The following VAT1L variants were observed in gnomAD, a reference collection of about 807,000 sequenced individuals.
VAT1L encodes the protein vesicle amine transport 1 like.
VAT1L carries 34 observed loss-of-function variants against 44.1 expected under a neutral mutation model. That is an observed-to-expected ratio of 0.77 (90% CI 0.59 to 1.03). The LOEUF (loss-of-function observed/expected upper bound fraction) is 1.03, where lower values mean the gene tolerates loss of function less well. VAT1L is among the 50% of genes least tolerant of loss of function. The pLI is 0.00. For synonymous variants in VAT1L, 253 were observed against 202.2 expected, an observed-to-expected ratio of 1.25 and a Z score of -2.13; for missense variants, 615 against 538.8, an observed-to-expected ratio of 1.14 and a Z score of -1.40.
chr16:77,972,370 G>A (rs557839550), intron 8 of VAT1L, among the ~76,000 whole-genome samples: 26 of 152,008 alleles, frequency 1.7e-4, no homozygotes, highest in Non-Finnish European at 2.5e-4. Flanking sequence ...CCAGGCTGGA[G>A]TGCAGTAGCA....
chr16:77,975,556 G>A (rs759659522), intron 8 of VAT1L, among the ~76,000 whole-genome samples: 2 of 152,142 alleles, frequency 1.3e-5, no homozygotes, highest in Non-Finnish European at 1.5e-5. Flanking sequence ...TGCCCAGCCA[G>A]CATGCTGCAG....
At chr16:77,900,309 T>G (rs1222697110) in intron 7 of VAT1L, among the ~76,000 whole-genome samples, 1 of 152,194 alleles carries the variant, frequency 6.6e-6, no homozygotes, top group African/African-American at 2.4e-5. Flanking sequence ...CTTATGTGCT[T>G]ATTTTGCCCT....
At chr16:77,821,590 G>A (rs2016454331) in intron 2 of VAT1L, among the ~76,000 whole-genome samples, 1 of 152,138 alleles carries the variant, frequency 6.6e-6, no homozygotes, top group African/African-American at 2.4e-5. Context: ...ACCGTGCCCA[G>A]CCTGAAATCT....
chr16:77,827,415 G>C (rs954322399), intron 3 of VAT1L, among the ~76,000 whole-genome samples: 3 of 152,186 alleles, frequency 2.0e-5, no homozygotes, highest in Non-Finnish European at 2.9e-5. Flanking sequence ...GAGCAAAGAA[G>C]AATGTGTCAG....
chr16:77,862,319 A>G (rs1158898914), intron 3 of VAT1L, among the ~76,000 whole-genome samples: 1 of 152,160 alleles, frequency 6.6e-6, no homozygotes, highest in African/African-American at 2.4e-5. Context: ...GACTAATCCA[A>G]CCTTAAAAAG....
At chr16:77,830,132 C>T (rs2145250680) in intron 3 of VAT1L, among the ~76,000 whole-genome samples, 1 of 152,234 alleles carries the variant, frequency 6.6e-6, no homozygotes, top group South Asian at 2.1e-4. Context: ...GCACTCTGCC[C>T]TCCAGCCACC....
At chr16:77,963,748 C>T (rs887871353) in intron 7 of VAT1L, among the ~76,000 whole-genome samples, 1 of 151,798 alleles carries the variant, frequency 6.6e-6, no homozygotes, top group African/African-American at 2.4e-5. Flanking sequence ...AGGCTGGGTC[C>T]TCACAGGAAA....
chr16:77,943,708 G>A (rs760396173), intron 7 of VAT1L, among the ~76,000 whole-genome samples: 7 of 152,052 alleles, frequency 4.6e-5, no homozygotes, highest in Non-Finnish European at 8.8e-5. Context: ...GACCCACCCT[G>A]TATTCCTAAA....
At position 77,884,494 on chromosome 16, in the gene VAT1L, C is replaced by A; in HGVS notation, c.883-114C>A. On this transcript the variant is annotated intron_variant, in intron 6 of 8. Coordinates refer to ENST00000302536, the MANE Select transcript of VAT1L (RefSeq NM_020927.3). This position sits in a 1 kb window ranked among gnomAD's most constrained non-coding sequence, Gnocchi z 4.5. ...CAACCCCTTGGCCAGCTGGAATCTG[C>A]TGAGCTGCAGCCCCACGTTCCCCCT... is the stretch of plus-strand genomic sequence containing the variant. 1 of 1,000,356 alleles carries A rather than the reference C, an allele frequency of 1.0e-6. No individual in the cohort carries two copies. Among genetic ancestry groups the A allele is most frequent in the Non-Finnish European group, 1.4e-6 (1 of 705,180 alleles). The allele number at this position is 1,000,356 out of a possible 1,614,324, so 62.0% of individuals were successfully genotyped here. A position where few individuals can be genotyped will look rare whatever the true frequency, so the allele number is the denominator to read the frequency against.
chr16:77,967,892 T>A (rs1489601754), intron 7 of VAT1L, among the ~76,000 whole-genome samples: 1 of 152,098 alleles, frequency 6.6e-6, no homozygotes, highest in East Asian at 1.9e-4. Flanking sequence ...AACAAAGCAG[T>A]ACGGACTAGG....
intron 3 of VAT1L, among the ~76,000 whole-genome samples, chr16:77,828,521 G>A (rs1045852049): frequency 8.5e-5 from 13 of 152,126 alleles, no homozygotes; most frequent in African/African-American, 2.9e-4. Context: ...AAATTAGCTG[G>A]GCATGGTGGC....
chr16:77,913,826 T>A (rs2017523285), intron 7 of VAT1L, among the ~76,000 whole-genome samples: 1 of 152,134 alleles, frequency 6.6e-6, no homozygotes. Flanking sequence ...AATTAGGACA[T>A]AAAAATACAA....
intron 4 of VAT1L, among the ~76,000 whole-genome samples, chr16:77,873,550 A>T (rs2017054852): frequency 6.6e-6 from 1 of 152,218 alleles, no homozygotes; most frequent in Admixed American, 6.5e-5. Context: ...ATCCAACAGG[A>T]AGAGAAGGGC....
In VAT1L at chr16:77,879,668, C is replaced by G. The variant is rs1041945314; in HGVS notation, c.882+444C>G. 5.9e-5 allele frequency among the ~76,000 whole-genome samples: 9 copies of G among 152,170 alleles called. No homozygotes were observed. Among genetic ancestry groups the G allele is most frequent in the African/African-American group, 2.2e-4 (9 of 41,444 alleles). On this transcript the variant is annotated intron_variant, in intron 6 of 8. Transcript: ENST00000302536. The surrounding 1 kb of genome is among the most constrained non-coding windows in gnomAD (Gnocchi z 4.1). The stretch of plus-strand genomic sequence containing the variant: ...TTTCCCATAAAACCTGCACTCCTGC[C>G]CTATTCCCTGCAAATGGTCAGGACC...
chr16:77,928,743 T>G (rs1186633142), intron 7 of VAT1L, among the ~76,000 whole-genome samples: 1 of 109,360 alleles, frequency 9.1e-6, no homozygotes, highest in Non-Finnish European at 1.8e-5. Flanking sequence ...GATGGGGGTG[T>G]CAGGAGAGTA....
At chr16:77,819,907 C>G (rs1323073936) in intron 2 of VAT1L, among the ~76,000 whole-genome samples, 1 of 152,200 alleles carries the variant, frequency 6.6e-6, no homozygotes, top group Non-Finnish European at 1.5e-5. Flanking sequence ...ATGTATTGCT[C>G]TTTCCTCATT....
intron 7 of VAT1L, among the ~76,000 whole-genome samples, chr16:77,908,368 A>G (rs540485309): frequency 1.3e-4 from 19 of 146,556 alleles, no homozygotes; most frequent in African/African-American, 4.7e-4. Flanking sequence ...AGGCTGAGGC[A>G]GGAGAATCTT....
At chr16:77,812,299 C>A (rs1195820806) in intron 1 of VAT1L, among the ~76,000 whole-genome samples, 1 of 152,136 alleles carries the variant, frequency 6.6e-6, no homozygotes, top group Non-Finnish European at 1.5e-5. Context: ...TCTCGAACTC[C>A]TGACCTCAGG....
At chr16:77,802,670 T>C (rs192104091) in intron 1 of VAT1L, among the ~76,000 whole-genome samples, 1,789 of 123,960 alleles carry the variant, frequency 0.014, 20 homozygotes, top group Non-Finnish European at 0.022. Flanking sequence ...ACACACACAC[T>C]AAAGTTGCAT....
Sources: gnomAD v4.1 joint callset for allele counts (sites outside exome capture counted in the v4.1 genomes callset) on GRCh38, gnomAD v4.1.1 for gene constraint, Gnocchi (gnomAD v3.1) non-coding constraint, MANE v1.5 for transcripts, NCBI Gene and HGNC (gene_info 2026-07-23, HGNC 2026-07-21) for gene names.